TBL1XR1: variants seen among roughly 807,000 people sequenced by gnomAD.
The protein encoded by TBL1XR1 is F-box-like/WD repeat-containing protein TBL1XR1.
In TBL1XR1, 5 loss-of-function variants were observed where a neutral mutation model predicts 66.9. The ratio of observed to expected loss-of-function variants is 0.07; its 90% CI spans 0.04 to 0.16. TBL1XR1 has a LOEUF of 0.16. TBL1XR1 is among the 10% of genes least tolerant of loss of function. TBL1XR1 has a pLI of 1.00. For missense variants in TBL1XR1, 238 were observed against 623.2 expected, an observed-to-expected ratio of 0.38 and a Z score of 6.58; for synonymous variants, 210 against 206.0, an observed-to-expected ratio of 1.02 and a Z score of -0.17.
intron 1 of TBL1XR1, among the ~76,000 whole-genome samples, chr3:177,180,733 C>T (rs1024721658): frequency 1.8e-4 from 27 of 150,758 alleles, no homozygotes; most frequent in Non-Finnish European, 3.5e-4. Flanking sequence ...TCTCAGATTA[C>T]CCTGGAATTT....
At chr3:177,036,158 A>G (rs1388814836) in intron 12 of TBL1XR1, among the ~76,000 whole-genome samples, 3 of 152,218 alleles carry the variant, frequency 2.0e-5, no homozygotes, top group Non-Finnish European at 4.4e-5. Context: ...CCAAGAAGAT[A>G]TGTGTCTATT....
intron 1 of TBL1XR1, among the ~76,000 whole-genome samples, chr3:177,113,984 A>AATCC (rs1725972543): frequency 6.6e-6 from 1 of 152,200 alleles, no homozygotes; most frequent in South Asian, 2.1e-4. Context: ...ATGATCCAGC[A>AATCC]ATCCCACTAC....
chr3:177,157,498 T>C (rs181039347), intron 1 of TBL1XR1, among the ~76,000 whole-genome samples: 1 of 152,340 alleles, frequency 6.6e-6, no homozygotes, highest in African/African-American at 2.4e-5. Context: ...AGCACATTTG[T>C]ACTCAATTCA....
At chr3:177,151,566 ACTGTCTTCC>A (rs962635205) in intron 1 of TBL1XR1, among the ~76,000 whole-genome samples, 1 of 152,134 alleles carries the variant, frequency 6.6e-6, no homozygotes, top group African/African-American at 2.4e-5. Context: ...CCGTGGAAAA[ACTGTCTTCC>A]ATAAAACTGG....
At chr3:177,195,928 C>T (rs1490879648) in intron 1 of TBL1XR1, among the ~76,000 whole-genome samples, 1 of 152,154 alleles carries the variant, frequency 6.6e-6, no homozygotes, top group Non-Finnish European at 1.5e-5. Flanking sequence ...CAAGTAAACT[C>T]CAGACACTGA....
chr3:177,112,695 C>T (rs1435499734), intron 1 of TBL1XR1, among the ~76,000 whole-genome samples: 1 of 152,070 alleles, frequency 6.6e-6, no homozygotes, highest in African/African-American at 2.4e-5. Flanking sequence ...AGTATGAGAA[C>T]ACTTTTTTGT....
chr3:177,077,571 T>C (rs1418232227), intron 2 of TBL1XR1, among the ~76,000 whole-genome samples: 2 of 152,122 alleles, frequency 1.3e-5, no homozygotes. Context: ...AGCCTAAGAG[T>C]CTCCTAAGTT....
At chr3:177,112,874 G>T (rs561285819) in intron 1 of TBL1XR1, among the ~76,000 whole-genome samples, 2 of 152,064 alleles carry the variant, frequency 1.3e-5, no homozygotes, top group East Asian at 3.9e-4. Context: ...GTGGTACCAT[G>T]TGCCTGGAGT....
At chr3:177,071,092 G>A (rs561179210) in intron 2 of TBL1XR1, among the ~76,000 whole-genome samples, 21 of 141,188 alleles carry the variant, frequency 1.5e-4, no homozygotes, top group Admixed American at 1.1e-3. Flanking sequence ...GTGTGGTGGT[G>A]CGATCTCGGC....
intron 1 of TBL1XR1, among the ~76,000 whole-genome samples, chr3:177,167,138 C>G (rs1732917553): frequency 6.6e-6 from 1 of 152,156 alleles, no homozygotes; most frequent in Non-Finnish European, 1.5e-5. Flanking sequence ...TTGGTACATG[C>G]AGACAATGGA....
intron 1 of TBL1XR1, among the ~76,000 whole-genome samples, chr3:177,135,662 G>A (rs1032717075): frequency 4.0e-5 from 6 of 151,830 alleles, no homozygotes; most frequent in South Asian, 2.1e-4. Flanking sequence ...TATTACAGGC[G>A]TGAGCCACCG....
At position 177,025,627 on chromosome 3, in the gene TBL1XR1, T is replaced by C. The variant is rs1274787387; in HGVS notation, c.1519-103A>G. ...ATTTGAAATGTTTCTTAGTTCCAAG[T>C]TTATAAAATTGGTAAAGCATAATAA... On this transcript the variant is annotated intron_variant, in intron 15 of 15. Coordinates refer to ENST00000457928, the MANE Select transcript of TBL1XR1 (RefSeq NM_024665.7). The C allele has an allele frequency of 3.6e-6, 4 of 1,107,206 alleles. No individual in the cohort carries two copies. The Admixed American group carries it at 8.6e-5, about 24-fold the overall frequency. The allele number at this position is 1,107,206 out of a possible 1,614,324, so 68.6% of individuals were successfully genotyped here. A position where few individuals can be genotyped will look rare whatever the true frequency, so the allele number is the denominator to read the frequency against.
chr3:177,123,179 G>A (rs551439369), intron 1 of TBL1XR1, among the ~76,000 whole-genome samples: 4 of 152,126 alleles, frequency 2.6e-5, no homozygotes, highest in African/African-American at 9.6e-5. Flanking sequence ...TTAGTATATT[G>A]TAATAGTTTT....
chr3:177,195,617 T>A (rs979537867), intron 1 of TBL1XR1: 1 of 151,324 alleles, frequency 6.6e-6, no homozygotes, highest in East Asian at 1.9e-4. Flanking sequence ...TTCAGGTAAG[T>A]AGATGAACAC....
chr3:177,039,976 T>A (rs948824508), intron 10 of TBL1XR1, among the ~76,000 whole-genome samples: 8 of 152,220 alleles, frequency 5.3e-5, no homozygotes, highest in African/African-American at 1.9e-4. Context: ...TTTCAAGTCC[T>A]TTAGTGAAAG....
Position 177,021,756 on chromosome 3 carries a change from A to G in TBL1XR1, c.*3742T>C, listed in dbSNP as rs1246600411. 6.6e-6 allele frequency: 1 copy of G among 152,632 alleles called. No individual in the cohort carries two copies. Among genetic ancestry groups the G allele is most frequent in the Non-Finnish European group, 1.5e-5 (1 of 68,004 alleles). The allele number at this position is 152,632 out of a possible 1,614,324, so 9.5% of individuals were successfully genotyped here. A position where few individuals can be genotyped will look rare whatever the true frequency, so the allele number is the denominator to read the frequency against. ...ATGTTGGCATTTGCTGCCATGCCACAATGTTGGTCCACTGAAATAGGATTT... is the reference window on the plus strand; with the variant it reads ...ATGTTGGCATTTGCTGCCATGCCACGATGTTGGTCCACTGAAATAGGATTT... On this transcript the variant is annotated 3_prime_UTR_variant, in exon 16 of 16. Transcript: ENST00000457928.
At chr3:177,035,079 C>T (rs1041084320) in intron 12 of TBL1XR1, among the ~76,000 whole-genome samples, 1 of 152,118 alleles carries the variant, frequency 6.6e-6, no homozygotes, top group Non-Finnish European at 1.5e-5. Flanking sequence ...GTGACATAAC[C>T]ATTAAAAGAT....
intron 1 of TBL1XR1, among the ~76,000 whole-genome samples, chr3:177,142,653 A>G (rs900462078): frequency 5.9e-5 from 9 of 152,230 alleles, no homozygotes; most frequent in Non-Finnish European, 1.3e-4. Flanking sequence ...TTAATATAGT[A>G]AATTTTTATG....
intron 1 of TBL1XR1, among the ~76,000 whole-genome samples, chr3:177,196,158 G>A (rs1297123027): frequency 6.6e-6 from 1 of 152,204 alleles, no homozygotes; most frequent in East Asian, 1.9e-4. Context: ...TACTGAACAC[G>A]TTAACACATG....
Sources: gnomAD v4.1 joint callset for allele counts (sites outside exome capture counted in the v4.1 genomes callset) on GRCh38, gnomAD v4.1.1 for gene constraint, MANE v1.5 for transcripts, NCBI Gene and HGNC (gene_info 2026-07-23, HGNC 2026-07-21) for gene names.